Variants in SNX31 observed in about 807,000 individuals in gnomAD.
SNX31 encodes the protein sorting nexin-31.
In SNX31, 58 loss-of-function variants were observed where a neutral mutation model predicts 65.4. That is an observed-to-expected ratio of 0.89 (90% CI 0.72 to 1.10). The LOEUF (loss-of-function observed/expected upper bound fraction) is 1.10, where lower values mean the gene tolerates loss of function less well. SNX31 is among the 50% of genes least tolerant of loss of function. The probability of loss-of-function intolerance (pLI) is 0.00; values close to 1 mark genes in which losing one functional copy is unlikely to be tolerated. For synonymous variants in SNX31, 181 were observed against 190.1 expected, an observed-to-expected ratio of 0.95 and a Z score of 0.39; for missense variants, 523 against 529.7, an observed-to-expected ratio of 0.99 and a Z score of 0.12.
chr8:100,602,151 T>C (rs897765401), intron 8 of SNX31, among the ~76,000 whole-genome samples: 3 of 152,370 alleles, frequency 2.0e-5, no homozygotes, highest in African/African-American at 7.2e-5. Flanking sequence ...CATATGGCAA[T>C]GCCCAGCAAT....
In SNX31 at chr8:100,629,334, T is replaced by C. The variant is rs1818270214; in HGVS notation, c.321+993A>G. ...TTGTATACGCTTGGCTATTTGAATT[T>C]TACTATCATCACCACTTCCACAGCA... On this transcript the variant is annotated intron_variant, in intron 4 of 13. Coordinates refer to ENST00000311812, the MANE Select transcript of SNX31 (RefSeq NM_152628.4). The surrounding 1 kb of genome is among the most constrained non-coding windows in gnomAD (Gnocchi z 5.1). Among the ~76,000 whole-genome samples, 1 of 152,194 alleles carries C rather than the reference T, an allele frequency of 6.6e-6. No homozygotes were observed. Among genetic ancestry groups the C allele is most frequent in the South Asian group, 2.1e-4 (1 of 4,830 alleles).
At chr8:100,653,805 C>T (rs1052630632), upstream of SNX31, among the ~76,000 whole-genome samples, 5 of 152,264 alleles carry the variant, frequency 3.3e-5, no homozygotes, top group Admixed American at 1.3e-4. Context: ...TGGCCGTGTG[C>T]GCATCTGTGG....
intron 2 of SNX31, among the ~76,000 whole-genome samples, chr8:100,644,502 C>T (rs887144567): frequency 1.3e-5 from 2 of 152,042 alleles, no homozygotes; most frequent in African/African-American, 2.4e-5. Context: ...CCAGTTCACA[C>T]AGCAGGAAGA....
In SNX31 at chr8:100,625,712, G is replaced by A. The variant is rs150493276; in HGVS notation, c.321+4615C>T. Among the ~76,000 whole-genome samples, 360 of 152,252 alleles carry A rather than the reference G, an allele frequency of 2.4e-3. 2 individuals are homozygous for A. Among genetic ancestry groups the A allele is most frequent in the African/African-American group, 7.6e-3 (316 of 41,526 alleles). Reference sequence around the variant, plus strand: ...CTGGTCAGGAAGGAGGGAATCAGAGGTCTCAAAGTGCTGCAGAACTCAAGC... The same window carrying A: ...CTGGTCAGGAAGGAGGGAATCAGAGATCTCAAAGTGCTGCAGAACTCAAGC... On this transcript the variant is annotated intron_variant, in intron 4 of 13. Transcript: ENST00000311812. The surrounding 1 kb of genome is among the most constrained non-coding windows in gnomAD (Gnocchi z 4.2).
Position 100,613,199 on chromosome 8 carries a change from G to T in SNX31, c.433-114C>A. 1.3e-6 allele frequency: 1 copy of T among 775,812 alleles called. No homozygotes were observed. The highest frequency in any genetic ancestry group is 2.2e-6 in the Non-Finnish European group (1 of 461,330). The allele number at this position is 775,812 out of a possible 1,614,324, so 48.1% of individuals were successfully genotyped here. ...ACACATCAATAAAAAATGCTGTCAT[G>T]GGTTAGTGAACACTCAAAGAAAGCT... is the stretch of plus-strand genomic sequence containing the variant. On this transcript the variant is annotated intron_variant, in intron 5 of 13. Coordinates refer to ENST00000311812, the MANE Select transcript of SNX31 (RefSeq NM_152628.4). The surrounding 1 kb of genome is among the most constrained non-coding windows in gnomAD (Gnocchi z 5.2).
intron 4 of SNX31, among the ~76,000 whole-genome samples, chr8:100,628,506 C>T (rs1377236663): frequency 6.6e-6 from 1 of 151,368 alleles, no homozygotes; most frequent in African/African-American, 2.4e-5. Flanking sequence ...AAACAAACAC[C>T]GCATGTTCTC....
intron 2 of SNX31, among the ~76,000 whole-genome samples, chr8:100,646,773 A>G (rs1819670097): frequency 6.6e-6 from 1 of 152,258 alleles, no homozygotes; most frequent in Admixed American, 6.5e-5. Context: ...GAATTTTATT[A>G]CATTACATGA....
In SNX31 at chr8:100,585,403, G is replaced by A. The variant is rs150274014; in HGVS notation, c.1093-1215C>T. ...TTGGAGGGGAGGATGGAGAGGAGAAGGGAGGAGAGAGTGAGAGAAAGCACA... is the reference window on the plus strand; with the variant it reads ...TTGGAGGGGAGGATGGAGAGGAGAAAGGAGGAGAGAGTGAGAGAAAGCACA... On this transcript the variant is annotated intron_variant, in intron 11 of 13. Transcript: ENST00000311812. Among the ~76,000 whole-genome samples, 229 of 152,252 alleles carry A rather than the reference G, an allele frequency of 1.5e-3. 3 individuals are homozygous for A. The highest frequency in any genetic ancestry group is 5.2e-3 in the African/African-American group (217 of 41,552).
At chr8:100,585,939 G>A (rs995300713) in intron 11 of SNX31, among the ~76,000 whole-genome samples, 3 of 151,342 alleles carry the variant, frequency 2.0e-5, no homozygotes, top group South Asian at 4.2e-4. Context: ...TTTTTTTTCT[G>A]AGATGGAGTC....
intron 1 of SNX31, among the ~76,000 whole-genome samples, chr8:100,658,123 C>T (rs1820080593): frequency 6.6e-6 from 1 of 152,134 alleles, no homozygotes; most frequent in African/African-American, 2.4e-5. Context: ...TGGAGGATAG[C>T]CTGGGCATCG....
intron 9 of SNX31, among the ~76,000 whole-genome samples, chr8:100,597,525 G>A (rs1015001302): frequency 6.6e-6 from 1 of 152,264 alleles, no homozygotes. Flanking sequence ...TTACAGACGT[G>A]AGCCACTGTG....
chr8:100,596,919 A>C, intron 9 of SNX31, 77 bp from the exon 10 acceptor site: 29 of 1,239,190 alleles, frequency 2.3e-5, no homozygotes, highest in Non-Finnish European at 3.4e-5. Flanking sequence ...TGAAAACCTC[A>C]TGTCAGAAGC....
Position 100,576,562 on chromosome 8 carries a change from T to A in SNX31, c.1227+457A>T, listed in dbSNP as rs1208555964. Among the ~76,000 whole-genome samples, 1 of 152,228 alleles carries A rather than the reference T, an allele frequency of 6.6e-6. No individual in the cohort carries two copies. The highest frequency in any genetic ancestry group is 1.9e-4 in the East Asian group (1 of 5,200). On this transcript the variant is annotated intron_variant, in intron 13 of 13. Coordinates refer to ENST00000311812, the MANE Select transcript of SNX31 (RefSeq NM_152628.4). The surrounding 1 kb of genome is among the most constrained non-coding windows in gnomAD (Gnocchi z 4.8). Reference sequence around the variant, plus strand: ...TGCTTAGAATACTGCCTGGCAATAATGAGTGCTCAAAAATGTCATTGATTG... The same window carrying A: ...TGCTTAGAATACTGCCTGGCAATAAAGAGTGCTCAAAAATGTCATTGATTG...
At chr8:100,597,311 G>A (rs1416579321) in intron 9 of SNX31, among the ~76,000 whole-genome samples, 2 of 151,764 alleles carry the variant, frequency 1.3e-5, no homozygotes, top group Non-Finnish European at 2.9e-5. Context: ...GCACGATCTC[G>A]GCTCACTGCA....
intron 12 of SNX31, among the ~76,000 whole-genome samples, chr8:100,581,325 C>CTATATATATATATATATATATATA (rs1401988460): frequency 7.7e-6 from 1 of 129,362 alleles, no homozygotes; most frequent in African/African-American, 3.5e-5. Context: ...ATATCTATAT[C>CTATATATATATATATATATATATA]TATCTATCTA....
upstream of SNX31, among the ~76,000 whole-genome samples, chr8:100,653,681 T>C (rs2131311933): frequency 6.6e-6 from 1 of 152,362 alleles, no homozygotes; most frequent in East Asian, 1.9e-4. Flanking sequence ...AATTCATTTC[T>C]GTGGTCGTAA....
rs573792767 is a variant in SNX31, at chr8:100,609,907, A to G, written c.612-1344T>C. Among the ~76,000 whole-genome samples the G allele has an allele frequency of 6.6e-6, 1 of 152,288 alleles. No individual in the cohort carries two copies. The highest frequency in any genetic ancestry group is 2.1e-4 in the South Asian group (1 of 4,828). On this transcript the variant is annotated intron_variant, in intron 7 of 13. Transcript: ENST00000311812. This position sits in a 1 kb window ranked among gnomAD's most constrained non-coding sequence, Gnocchi z 4.9. ...TCATCATCATTGGAGAGATGCACCCAGGCATCTCTCCTTAAGGACAGAGAA... is the reference window on the plus strand; with the variant it reads ...TCATCATCATTGGAGAGATGCACCCGGGCATCTCTCCTTAAGGACAGAGAA...
chr8:100,635,338 C>G (rs1269355858), intron 3 of SNX31, among the ~76,000 whole-genome samples: 7 of 151,972 alleles, frequency 4.6e-5, no homozygotes, highest in Admixed American at 4.6e-4. Context: ...TTCCTATGCT[C>G]AAGCTATCCT....
intron 10 of SNX31, among the ~76,000 whole-genome samples, chr8:100,593,426 G>T (rs190507450): frequency 1.3e-5 from 2 of 152,080 alleles, no homozygotes; most frequent in South Asian, 2.1e-4. Flanking sequence ...GGTTGGGGAT[G>T]GGGGGATAAC....
Sources: allele counts gnomAD v4.1 joint callset (sites outside exome capture counted in the v4.1 genomes callset), GRCh38; gene constraint gnomAD v4.1.1; non-coding constraint Gnocchi (gnomAD v3.1); transcripts MANE v1.5; gene names NCBI Gene and HGNC (gene_info 2026-07-23, HGNC 2026-07-21).